NEMP2: variants seen among roughly 807,000 people sequenced by gnomAD.
The protein encoded by NEMP2 is nuclear envelope integral membrane protein 2.
Under a neutral mutation model 54.2 loss-of-function variants are expected in NEMP2, and 53 were observed. The observed-to-expected ratio is 0.98, with a 90% CI of 0.78 to 1.23. NEMP2 has a LOEUF of 1.23. NEMP2 is among the 50% of genes most tolerant of loss of function. The pLI is 0.00. For synonymous variants in NEMP2, 197 were observed against 190.3 expected (o/e 1.04, Z -0.29); for missense variants, 455 against 511.3 (o/e 0.89, Z 1.06).
chr2:190,482,903 T>TTTTTTTTTTTTTTTTTTTTG, the NEMP2 span, among the ~76,000 whole-genome samples: 80 of 86,246 alleles, frequency 9.3e-4, 32 homozygotes, highest in East Asian at 1.2e-3. Context: ...TTTTTTTTTT[T>TTTTTTTTTTTTTTTTTTTTG]AGACGGAGTC....
the NEMP2 span, among the ~76,000 whole-genome samples, chr2:190,431,725 GGAGGGA>G: frequency 3.7e-4 from 57 of 152,088 alleles, no homozygotes; most frequent in East Asian, 1.5e-3. The surrounding 1 kb of genome is among the most constrained non-coding windows in gnomAD (Gnocchi z 4.4). Context: ...GTGGGGAGAG[GGAGGGA>G]GAGGGAGAGG....
At chr2:190,495,402 T>C in the NEMP2 span, among the ~76,000 whole-genome samples, 1 of 152,170 alleles carries the variant, frequency 6.6e-6, no homozygotes, top group Non-Finnish European at 1.5e-5. This position sits in a 1 kb window ranked among gnomAD's most constrained non-coding sequence, Gnocchi z 4.7. Context: ...AGAATCAATA[T>C]TGTGAAAATG....
chr2:190,427,719 G>C, the NEMP2 span, among the ~76,000 whole-genome samples: 1 of 144,854 alleles, frequency 6.9e-6, no homozygotes, highest in African/African-American at 2.7e-5. Flanking sequence ...TGGAAAAGAA[G>C]TCTACCACTT....
chr2:190,434,017 C>A, the NEMP2 span, among the ~76,000 whole-genome samples: 1 of 151,844 alleles, frequency 6.6e-6, no homozygotes, highest in East Asian at 1.9e-4. The surrounding 1 kb of genome is among the most constrained non-coding windows in gnomAD (Gnocchi z 4.3). Flanking sequence ...ATGGCAAAAA[C>A]CCCATCTCTA....
the NEMP2 span, among the ~76,000 whole-genome samples, chr2:190,605,624 G>C: frequency 6.6e-6 from 1 of 152,158 alleles, no homozygotes; most frequent in South Asian, 2.1e-4. Flanking sequence ...CGATCTGCCT[G>C]CCTTGGCCTC....
upstream of NEMP2, among the ~76,000 whole-genome samples, chr2:190,539,611 T>C (rs976578067): frequency 3.3e-5 from 5 of 152,170 alleles, no homozygotes; most frequent in Non-Finnish European, 5.9e-5. This position sits in a 1 kb window ranked among gnomAD's most constrained non-coding sequence, Gnocchi z 4.1. Flanking sequence ...TGTTTTATAG[T>C]TTACTTACAT....
upstream of NEMP2, chr2:190,536,041 A>C (rs1325821946): frequency 6.6e-6 from 1 of 152,274 alleles, no homozygotes; most frequent in Non-Finnish European, 1.5e-5. Context: ...GTGGAGAAAC[A>C]AAAGGGCAGG....
the NEMP2 span, among the ~76,000 whole-genome samples, chr2:190,561,621 C>T: frequency 4.6e-5 from 7 of 152,092 alleles, no homozygotes; most frequent in Admixed American, 1.3e-4. The surrounding 1 kb of genome is among the most constrained non-coding windows in gnomAD (Gnocchi z 5.4). Context: ...ATTCAGAAGT[C>T]CTAGGGTTTG....
chr2:190,435,937 A>AT, the NEMP2 span: 1 of 1,461,286 alleles, frequency 6.8e-7, no homozygotes, highest in African/African-American at 1.4e-5. Context: ...ACATGTTATG[A>AT]TTTTCATTAC....
At chr2:190,434,425 ATTTATTTTAT>A in the NEMP2 span, among the ~76,000 whole-genome samples, 1 of 152,014 alleles carries the variant, frequency 6.6e-6, no homozygotes, top group African/African-American at 2.4e-5. The surrounding 1 kb of genome is among the most constrained non-coding windows in gnomAD (Gnocchi z 4.3). Context: ...AAAAACATTT[ATTTATTTTAT>A]TTTATTTATT....
the NEMP2 span, among the ~76,000 whole-genome samples, chr2:190,470,402 A>G: frequency 2.0e-5 from 3 of 152,182 alleles, no homozygotes; most frequent in African/African-American, 7.2e-5. Context: ...GTCTCCCATC[A>G]AGACACAACT....
At chr2:190,487,830 A>C in the NEMP2 span, among the ~76,000 whole-genome samples, 8 of 152,238 alleles carry the variant, frequency 5.3e-5, no homozygotes, top group African/African-American at 1.9e-4. The surrounding 1 kb of genome is among the most constrained non-coding windows in gnomAD (Gnocchi z 5.5). Flanking sequence ...GAAAAAAGGT[A>C]GTTCCTCAAA....
At chr2:190,435,239 A>C in the NEMP2 span, 1 of 152,238 alleles carries the variant, frequency 6.6e-6, no homozygotes, top group African/African-American at 2.4e-5. Flanking sequence ...TCTCATCTGT[A>C]AAATGGACAA....
chr2:190,558,232 A>C, the NEMP2 span, among the ~76,000 whole-genome samples: 17 of 152,206 alleles, frequency 1.1e-4, no homozygotes, highest in African/African-American at 4.1e-4. The surrounding 1 kb of genome is among the most constrained non-coding windows in gnomAD (Gnocchi z 4.4). Context: ...ACAGAAAACC[A>C]AACACTGCAT....
At chr2:190,620,798 C>T in the NEMP2 span, among the ~76,000 whole-genome samples, 2 of 152,074 alleles carry the variant, frequency 1.3e-5, no homozygotes, top group African/African-American at 4.8e-5. The surrounding 1 kb of genome is among the most constrained non-coding windows in gnomAD (Gnocchi z 4.9). Flanking sequence ...TAAAAAGCAT[C>T]CATATTGGAG....
the NEMP2 span, among the ~76,000 whole-genome samples, chr2:190,465,957 C>CA: frequency 6.6e-6 from 1 of 152,166 alleles, no homozygotes; most frequent in South Asian, 2.1e-4. The surrounding 1 kb of genome is among the most constrained non-coding windows in gnomAD (Gnocchi z 4.6). Context: ...CATGCCATTG[C>CA]AAAAAACAAA....
Position 190,514,338 on chromosome 2 carries a change from A to C in NEMP2, c.953+115T>G. On this transcript the variant is annotated intron_variant, in intron 7 of 8. Transcript: ENST00000409150. This position sits in a 1 kb window ranked among gnomAD's most constrained non-coding sequence, Gnocchi z 5.7. ...ACACCCCCAATCTTGCTCAGAATGA[A>C]ATCTCCAGATCAAATGTAATTATGA... is the stretch of plus-strand genomic sequence containing the variant. 9.6e-7 allele frequency: 1 copy of C among 1,037,590 alleles called. No homozygotes were observed. The highest frequency in any genetic ancestry group is 1.5e-5 in the South Asian group (1 of 65,670). 64.3% of individuals were successfully genotyped at this position (1,037,590 alleles called of 1,614,324 possible). A position where few individuals can be genotyped will look rare whatever the true frequency, so the allele number is the denominator to read the frequency against.
rs887009709 is a variant in NEMP2 at position 190,531,987 on chromosome 2, AT to A, written c.97+2571del. ...CATGGCCCTCATATGGGGAAAAAAA[AT>A]ATCTTCAGATGAAACTAGAATGGAA... On this transcript the variant is annotated intron_variant, in intron 1 of 8. Coordinates refer to ENST00000409150, the MANE Select transcript of NEMP2 (RefSeq NM_001142645.2). This position sits in a 1 kb window ranked among gnomAD's most constrained non-coding sequence, Gnocchi z 4.7. Among the ~76,000 whole-genome samples the A allele has an allele frequency of 6.6e-6, 1 of 152,050 alleles. No individual in the cohort carries two copies. Among genetic ancestry groups the A allele is most frequent in the Non-Finnish European group, 1.5e-5 (1 of 68,016 alleles).
At chr2:190,429,783 T>G in the NEMP2 span, among the ~76,000 whole-genome samples, 2 of 152,192 alleles carry the variant, frequency 1.3e-5, no homozygotes, top group South Asian at 4.1e-4. Flanking sequence ...ACCTATAATC[T>G]ACCTGGAATT....
Sources: allele counts gnomAD v4.1 joint callset (sites outside exome capture counted in the v4.1 genomes callset), GRCh38; gene constraint gnomAD v4.1.1; non-coding constraint Gnocchi (gnomAD v3.1); transcripts MANE v1.5; gene names NCBI Gene and HGNC (gene_info 2026-07-23, HGNC 2026-07-21).